The following HEXB variants were observed in gnomAD, a reference collection of about 807,000 sequenced individuals.
HEXB encodes beta-hexosaminidase subunit beta.
Under a neutral mutation model 71.2 loss-of-function variants are expected in HEXB, and 51 were observed. The ratio of observed to expected loss-of-function variants is 0.72; its 90% CI spans 0.57 to 0.90. The LOEUF is 0.90. HEXB is among the 40% of genes least tolerant of loss of function. The pLI, the probability that HEXB is intolerant of heterozygous loss-of-function variation, is 0.00. For synonymous variants in HEXB, 266 were observed against 249.3 expected (o/e 1.07, Z -0.63); for missense variants, 617 against 677.0 (o/e 0.91, Z 0.98).
At chr5:74,671,501 G>C (rs1748538542) in intron 1 of HEXB, among the ~76,000 whole-genome samples, 2 of 152,142 alleles carry the variant, frequency 1.3e-5, no homozygotes, top group Non-Finnish European at 2.9e-5. Flanking sequence ...ATCAGTACTT[G>C]TCTGGATGGA....
intron 1 of HEXB, among the ~76,000 whole-genome samples, chr5:74,666,060 G>A (rs144484009): frequency 6.6e-6 from 1 of 152,188 alleles, no homozygotes; most frequent in East Asian, 1.9e-4. Flanking sequence ...ACAGAGAACT[G>A]TTTTATCCAT....
intron 1 of HEXB, among the ~76,000 whole-genome samples, chr5:74,656,111 C>G (rs905960899): frequency 6.6e-5 from 10 of 152,056 alleles, no homozygotes; most frequent in African/African-American, 2.4e-4. Flanking sequence ...AGCATTGTGT[C>G]CAAAAGAATC....
intron 5 of HEXB, among the ~76,000 whole-genome samples, chr5:74,699,422 C>G (rs769969600): frequency 1.3e-5 from 2 of 151,746 alleles, no homozygotes; most frequent in Admixed American, 1.3e-4. Context: ...TTACAGGTGC[C>G]CACCACCACA....
chr5:74,685,369 G>T lies in HEXB; in HGVS notation c.109G>T (p.Val37Leu), dbSNP rs1346914562. The change falls in exon 1 of 14, where the codon GTG becomes TTG. Residue 37 changes from valine (V) to leucine (L), a missense_variant. Physicochemically the swap from Val to Leu is conservative, Grantham distance 32. Coordinates refer to ENST00000261416, the MANE Select transcript of HEXB (RefSeq NM_000521.4). The part of the protein sequence containing the change: ...LALLTQVALV[V>L]QVAEAARAPS... ...GCTGCTGACTCAGGTGGCGCTGGTGGTGCAGGTGGCGGAGGCGGCTCGGGC... is the reference window on the plus strand; with the variant it reads ...GCTGCTGACTCAGGTGGCGCTGGTGTTGCAGGTGGCGGAGGCGGCTCGGGC... 6.3e-7 allele frequency: 1 copy of T among 1,589,630 alleles called. No homozygotes were observed. Among genetic ancestry groups the T allele is most frequent in the Admixed American group, 1.8e-5 (1 of 56,546 alleles).
At chr5:74,702,009 C>A (rs1463129815) in intron 5 of HEXB, among the ~76,000 whole-genome samples, 1 of 150,106 alleles carries the variant, frequency 6.7e-6, no homozygotes, top group Non-Finnish European at 1.5e-5. Flanking sequence ...TCAGGTGTTC[C>A]GTTTACTTGT....
rs983976046 is a variant in HEXB, at chr5:74,652,201, C to G, written c.-377+11643C>G. ...CATTTAGAGTCACAGTGGTTTACCT[C>G]TCAACAATCCCAGGAGGTAGATACT... On this transcript the variant is annotated intron_variant, in intron 1 of 13. Coordinates refer to the HEXB transcript ENST00000511181. This position sits in a 1 kb window ranked among gnomAD's most constrained non-coding sequence, Gnocchi z 5.4. Among the ~76,000 whole-genome samples the G allele has an allele frequency of 2.6e-5, 4 of 152,214 alleles. No homozygotes were observed. Among genetic ancestry groups the G allele is most frequent in the Admixed American group, 6.5e-5 (1 of 15,282 alleles).
intron 2 of HEXB, among the ~76,000 whole-genome samples, chr5:74,690,259 G>A (rs185174788): frequency 5.9e-5 from 9 of 152,222 alleles, no homozygotes; most frequent in Non-Finnish European, 1.2e-4. Context: ...TACTGCCTGA[G>A]AATAATGTGG....
chr5:74,683,795 C>T (rs1057447785), upstream of HEXB, among the ~76,000 whole-genome samples: 2 of 150,204 alleles, frequency 1.3e-5, no homozygotes, highest in African/African-American at 4.9e-5. Context: ...TTCTGAGGCC[C>T]AATAATCATT....
intron 2 of HEXB, among the ~76,000 whole-genome samples, chr5:74,690,532 A>G (rs983184933): frequency 2.0e-5 from 3 of 151,804 alleles, no homozygotes; most frequent in African/African-American, 7.3e-5. Flanking sequence ...CGTACCTGTA[A>G]TCCCAGCTAC....
In HEXB at chr5:74,685,331, C is replaced by A; in HGVS notation, c.71C>A (p.Ala24Glu). The change falls in exon 1 of 14, where the codon GCG (alanine) becomes GAG (glutamate). Residue 24 changes from alanine to glutamate, a missense_variant. Transcript: ENST00000261416. ...GCGCTGCTGTTGGCGACACTGCTGGCGGCGATGTTGGCGCTGCTGACTCAG... is the reference window on the plus strand; with the variant it reads ...GCGCTGCTGTTGGCGACACTGCTGGAGGCGATGTTGGCGCTGCTGACTCAG... ...LLALLLATLL[A>E]AMLALLTQVA... The A allele has an allele frequency of 1.3e-6, 2 of 1,576,852 alleles. No homozygotes were observed. Among genetic ancestry groups the A allele is most frequent in the Non-Finnish European group, 1.7e-6 (2 of 1,163,522 alleles).
At position 74,697,393 on chromosome 5, in the gene HEXB, CT is replaced by C. The variant is rs549207452; in HGVS notation, c.669+288del. Among the ~76,000 whole-genome samples, 435 of 152,304 alleles carry C rather than the reference CT, an allele frequency of 2.9e-3. 5 individuals are homozygous for C. The highest frequency in any genetic ancestry group is 9.6e-3 in the African/African-American group (399 of 41,560). ...ACTGCCCATTGGCCCTTTACATATA[CT>C]CCCATTTGTCAAATCATGTGTCTAG... On this transcript the variant is annotated intron_variant, in intron 5 of 13. Coordinates refer to ENST00000261416, the MANE Select transcript of HEXB (RefSeq NM_000521.4).
chr5:74,655,464 C>T (rs994664192), intron 1 of HEXB, among the ~76,000 whole-genome samples: 3 of 151,104 alleles, frequency 2.0e-5, no homozygotes, highest in Non-Finnish European at 4.4e-5. Context: ...AGGCCTGCAC[C>T]ACAATGCCCA....
intron 6 of HEXB, among the ~76,000 whole-genome samples, chr5:74,709,749 A>G (rs539757260): frequency 6.6e-6 from 1 of 152,354 alleles, no homozygotes; most frequent in South Asian, 2.1e-4. Flanking sequence ...GAAGAAGTTG[A>G]ATCTCTGAAT....
chr5:74,695,438 C>T (rs1210611563), intron 3 of HEXB, among the ~76,000 whole-genome samples: 2 of 150,960 alleles, frequency 1.3e-5, no homozygotes, highest in Non-Finnish European at 3.0e-5. Flanking sequence ...CTCCTGACCT[C>T]GTGATCCACC....
At chr5:74,697,651 TC>T (rs1749143529) in intron 5 of HEXB, among the ~76,000 whole-genome samples, 1 of 130,840 alleles carries the variant, frequency 7.6e-6, no homozygotes, top group Admixed American at 9.1e-5. Context: ...GCTTGAACCC[TC>T]CCCGGGTGGA....
Position 74,689,362 on chromosome 5 carries a change from C to T in HEXB, c.334C>T (p.His112Tyr). ...HGYIFGFYKWHHEPAEFQAKT... is the reference protein window; with the variant it reads ...HGYIFGFYKWYHEPAEFQAKT... The stretch of plus-strand genomic sequence containing the variant: ...CTATATTTTTGGTTTCTACAAGTGG[C>T]ATCATGAACCTGCTGAATTCCAGGC... Residue 112 changes from histidine (H) to tyrosine (Y), a missense_variant, in exon 2 of 14, where the codon CAT becomes TAT. Transcript: ENST00000261416. 1 of 1,612,728 alleles carries T rather than the reference C, an allele frequency of 6.2e-7. No individual in the cohort carries two copies. Among genetic ancestry groups the T allele is most frequent in the Middle Eastern group, 1.7e-4 (1 of 6,058 alleles).
At position 74,646,775 on chromosome 5, in the gene HEXB, G is replaced by A. The variant is rs193253610; in HGVS notation, c.-377+6217G>A. Among the ~76,000 whole-genome samples, 450 of 151,980 alleles carry A rather than the reference G, an allele frequency of 3.0e-3. 1 individual carries two copies. The highest frequency in any genetic ancestry group is 0.01 in the African/African-American group (428 of 41,450). The stretch of plus-strand genomic sequence containing the variant: ...GTAGAGATGAGGTTTCACCATCTTG[G>A]CCAGGCTGGTCTTGAACTCCTGACC... On this transcript the variant is annotated intron_variant, in intron 1 of 13. Coordinates refer to the HEXB transcript ENST00000511181.
At chr5:74,677,862 C>A (rs1232156011) in intron 1 of HEXB, among the ~76,000 whole-genome samples, 1 of 152,074 alleles carries the variant, frequency 6.6e-6, no homozygotes, top group Non-Finnish European at 1.5e-5. Flanking sequence ...TCCCACCCTC[C>A]CCTTTCTGAG....
chr5:74,704,588 C>G (rs1218236372), intron 5 of HEXB, among the ~76,000 whole-genome samples: 3 of 152,046 alleles, frequency 2.0e-5, no homozygotes, highest in Admixed American at 2.0e-4. Flanking sequence ...TTCCTTTGCT[C>G]TATTCCCAAA....
Sources: gnomAD v4.1 joint callset for allele counts (sites outside exome capture counted in the v4.1 genomes callset) on GRCh38, gnomAD v4.1.1 for gene constraint, Gnocchi (gnomAD v3.1) non-coding constraint, MANE v1.5 for transcripts, NCBI Gene and HGNC (gene_info 2026-07-23, HGNC 2026-07-21) for gene names.